CSMD1: variants seen among roughly 807,000 people sequenced by gnomAD.
CSMD1 encodes CUB and Sushi multiple domains 1.
Under a neutral mutation model 417.5 loss-of-function variants are expected in CSMD1, and 213 were observed. The observed-to-expected ratio is 0.51, with a 90% confidence interval of 0.46 to 0.57. CSMD1 has a LOEUF of 0.57. Ranked by LOEUF, CSMD1 falls within the 20% of genes least tolerant of loss-of-function variation. The pLI is 0.00. For missense variants in CSMD1, 6,923 were observed against 4,529.7 expected, an observed-to-expected ratio of 1.53 and a Z score of -15.17; for synonymous variants, 2,862 against 1,736.8, an observed-to-expected ratio of 1.65 and a Z score of -16.11.
At chr8:3,599,921 G>C (rs1053907948) in intron 8 of CSMD1, among the ~76,000 whole-genome samples, 4 of 152,108 alleles carry the variant, frequency 2.6e-5, no homozygotes, top group Non-Finnish European at 5.9e-5. Context: ...GCAACATTTC[G>C]GCACAGCAGG....
chr8:3,540,537 C>A (rs975915184), intron 10 of CSMD1, among the ~76,000 whole-genome samples: 5 of 152,154 alleles, frequency 3.3e-5, no homozygotes, highest in Admixed American at 6.5e-5. Flanking sequence ...CAAATGGGAT[C>A]TAATTAAAGT....
At chr8:4,181,690 A>C (rs971205989) in intron 3 of CSMD1, among the ~76,000 whole-genome samples, 1 of 152,004 alleles carries the variant, frequency 6.6e-6, no homozygotes, top group African/African-American at 2.4e-5. Flanking sequence ...ATTCATTTAT[A>C]CTTTTTTCAA....
At chr8:3,228,483 T>C (rs377311344) in intron 27 of CSMD1, among the ~76,000 whole-genome samples, 1 of 152,216 alleles carries the variant, frequency 6.6e-6, no homozygotes, top group Non-Finnish European at 1.5e-5. Context: ...TAATTGATTA[T>C]TCATCTGCCT....
Position 4,572,296 on chromosome 8 carries a change from T to C in CSMD1, c.302+65046A>G, listed in dbSNP as rs1296030863. ...TATTTAGTGCTTCCTTCAGGAGCTC[T>C]TATAAGGCAGGCCTAGTGGTGACAA... On this transcript the variant is annotated intron_variant, in intron 2 of 69. Coordinates refer to ENST00000635120, the MANE Select transcript of CSMD1 (RefSeq NM_033225.6). Among the ~76,000 whole-genome samples, 3 of 152,238 alleles carry C rather than the reference T, an allele frequency of 2.0e-5. No individual in the cohort carries two copies. In the East Asian group the frequency reaches 5.8e-4, roughly 29 times the overall value.
intron 12 of CSMD1, among the ~76,000 whole-genome samples, chr8:3,445,670 G>C (rs1456671679): frequency 6.6e-6 from 1 of 152,242 alleles, no homozygotes; most frequent in African/African-American, 2.4e-5. Context: ...AAATACGTCG[G>C]AACTAGAGGG....
intron 3 of CSMD1, among the ~76,000 whole-genome samples, chr8:4,275,497 G>C (rs149229281): frequency 8.0e-6 from 1 of 125,762 alleles, no homozygotes; most frequent in Non-Finnish European, 1.8e-5. Flanking sequence ...GGGAGTGATA[G>C]GAAAACAAAC....
chr8:3,523,631 C>A (rs569669545), intron 10 of CSMD1, among the ~76,000 whole-genome samples: 3 of 148,010 alleles, frequency 2.0e-5, no homozygotes, highest in Admixed American at 6.7e-5. Flanking sequence ...GCATGCACAC[C>A]GAGACACGTG....
intron 3 of CSMD1, among the ~76,000 whole-genome samples, chr8:4,064,421 G>A (rs1205228914): frequency 6.6e-6 from 1 of 152,190 alleles, no homozygotes; most frequent in Admixed American, 6.5e-5. Context: ...GAATAAGTAA[G>A]CTTCTGCGGG....
chr8:4,371,002 C>T (rs917453327), intron 3 of CSMD1, among the ~76,000 whole-genome samples: 2 of 152,188 alleles, frequency 1.3e-5, no homozygotes, highest in African/African-American at 4.8e-5. Context: ...ACACACTGAC[C>T]TTTAGTGTTA....
At chr8:4,544,121 C>G (rs1478048715) in intron 2 of CSMD1, among the ~76,000 whole-genome samples, 5 of 152,072 alleles carry the variant, frequency 3.3e-5, no homozygotes, top group Admixed American at 2.6e-4. Context: ...TCTTAATTTG[C>G]ATAAAGTCCA....
At chr8:4,359,133 G>A (rs181731818) in intron 3 of CSMD1, among the ~76,000 whole-genome samples, 2 of 152,290 alleles carry the variant, frequency 1.3e-5, no homozygotes, top group South Asian at 4.1e-4. Flanking sequence ...TTAGAAGGCA[G>A]AGTTGTAGCC....
At chr8:3,177,787 G>C (rs531878181) in intron 37 of CSMD1, among the ~76,000 whole-genome samples, 3 of 152,156 alleles carry the variant, frequency 2.0e-5, no homozygotes, top group Non-Finnish European at 4.4e-5. Context: ...TTGGCCAGCA[G>C]TAAGATCCAT....
At chr8:4,134,414 G>C (rs994532318) in intron 3 of CSMD1, among the ~76,000 whole-genome samples, 1 of 152,162 alleles carries the variant, frequency 6.6e-6, no homozygotes, top group Non-Finnish European at 1.5e-5. Flanking sequence ...GACCTTTGAA[G>C]ACAGAGGGAG....
intron 41 of CSMD1, among the ~76,000 whole-genome samples, chr8:3,132,582 C>G (rs1365224919): frequency 6.6e-6 from 1 of 152,070 alleles, no homozygotes; most frequent in Admixed American, 6.6e-5. Context: ...TCTAGAAGAC[C>G]AGAATATGCC....
intron 1 of CSMD1, among the ~76,000 whole-genome samples, chr8:4,987,700 G>C (rs1365510748): frequency 6.6e-6 from 1 of 152,132 alleles, no homozygotes; most frequent in East Asian, 1.9e-4. Context: ...TGCCAAAAAA[G>C]ATTAACATTT....
At chr8:3,755,202 G>A (rs988686261) in intron 5 of CSMD1, among the ~76,000 whole-genome samples, 17 of 152,300 alleles carry the variant, frequency 1.1e-4, no homozygotes, top group African/African-American at 3.8e-4. Flanking sequence ...ACTGGATTAG[G>A]ATGCTTCTGA....
intron 3 of CSMD1, among the ~76,000 whole-genome samples, chr8:4,103,994 C>G (rs770763885): frequency 2.0e-5 from 3 of 152,186 alleles, no homozygotes; most frequent in Non-Finnish European, 4.4e-5. Context: ...CTAAGAGTGC[C>G]CCAGCTGCAC....
In CSMD1 at chr8:3,266,578, C is replaced by T. The variant is rs537315377; in HGVS notation, c.4153+17566G>A. Among the ~76,000 whole-genome samples the T allele has an allele frequency of 1.4e-4, 20 of 138,246 alleles. No homozygotes were observed. In the South Asian group the frequency reaches 3.4e-3, roughly 23 times the overall value. 90.7% of individuals were successfully genotyped at this position (138,246 alleles called of 152,430 possible). ...CCGAGATCATGCCATTGCATTCCAG[C>T]CTGGTGGCAGAGTGAGACTCCCTCT... On this transcript the variant is annotated intron_variant, in intron 26 of 69. Coordinates refer to ENST00000635120, the MANE Select transcript of CSMD1 (RefSeq NM_033225.6).
chr8:3,658,515 T>G (rs1466677898), intron 7 of CSMD1, among the ~76,000 whole-genome samples: 2 of 150,150 alleles, frequency 1.3e-5, no homozygotes, highest in Non-Finnish European at 3.0e-5. Context: ...GGGCTTGGTG[T>G]CTCATGCCTG....
Sources: allele counts gnomAD v4.1 joint callset (sites outside exome capture counted in the v4.1 genomes callset), GRCh38; gene constraint gnomAD v4.1.1; transcripts MANE v1.5; gene names NCBI Gene and HGNC (gene_info 2026-07-23, HGNC 2026-07-21).